KNL1: variants seen among roughly 807,000 people sequenced by gnomAD.
KNL1 encodes the protein outer kinetochore KNL1 complex subunit KNL1.
In KNL1, 66 loss-of-function variants were observed where a neutral mutation model predicts 201.3. The ratio of observed to expected loss-of-function variants is 0.33; its 90% confidence interval spans 0.27 to 0.40. The LOEUF is 0.40. Ranked by LOEUF, KNL1 falls within the 10% of genes least tolerant of loss-of-function variation. The probability of loss-of-function intolerance (pLI) is 1.00; values close to 1 mark genes in which losing one functional copy is unlikely to be tolerated. For synonymous variants in KNL1, 895 were observed against 899.2 expected, an observed-to-expected ratio of 1.00 and a Z score of 0.08; for missense variants, 2,815 against 2,690.5, an observed-to-expected ratio of 1.05 and a Z score of -1.02.
At position 40,624,955 on chromosome 15, in the gene KNL1, T is replaced by A; in HGVS notation, c.4691T>A (p.Leu1564Ter). The change falls in exon 10 of 26, where the codon TTG (leucine) becomes TAG (stop). Residue 1564 changes from leucine (L) to a stop codon, truncating the protein, a stop_gained. Transcript: ENST00000399668. LOFTEE classifies it high-confidence loss of function. Reference protein sequence around the residue: ...FHSIKPNLNNLNGKTGEFLAF... With the variant: ...FHSIKPNLNN ...AGTATCAAACCAAATCTGAATAATT[T>A]GAATGGAAAAACTGGAGAGTTTTTA... 1 of 1,613,884 alleles carries A rather than the reference T, an allele frequency of 6.2e-7. No individual in the cohort carries two copies. Among genetic ancestry groups the A allele is most frequent in the Admixed American group, 1.7e-5 (1 of 59,996 alleles).
At chr15:40,658,968 C>T (rs2141769642) in intron 24 of KNL1, among the ~76,000 whole-genome samples, 1 of 149,492 alleles carries the variant, frequency 6.7e-6, no homozygotes, top group South Asian at 2.1e-4. Context: ...TAATGTATGC[C>T]TAACTTGGAC....
At chr15:40,608,575 A>G (rs1400402813) in intron 4 of KNL1, among the ~76,000 whole-genome samples, 1 of 151,962 alleles carries the variant, frequency 6.6e-6, no homozygotes, top group Non-Finnish European at 1.5e-5. Context: ...GAGAAACCCC[A>G]TCCCTACTAA....
In KNL1 at chr15:40,605,126, C is replaced by T. The variant is rs1891931543; in HGVS notation, c.52C>T (p.Pro18Ser). ...ANEENDNIER[P>S]VRRRHSSILK... is the part of the protein sequence containing the mutation. Reference sequence around the variant, plus strand: ...CTTTTTCAGTGACAATATAGAGAGACCTGTTAGAAGACGGCATTCTTCAGT... The same window carrying T: ...CTTTTTCAGTGACAATATAGAGAGATCTGTTAGAAGACGGCATTCTTCAGT... Residue 18 changes from proline (P) to serine (S), a missense_variant, in exon 3 of 26, where the codon CCT (proline) becomes TCT (serine). Transcript: ENST00000399668. 3.4e-6 allele frequency: 5 copies of T among 1,482,192 alleles called. No homozygotes were observed. The highest frequency in any genetic ancestry group is 4.7e-6 in the Non-Finnish European group (5 of 1,061,632). 91.8% of individuals were successfully genotyped at this position (1,482,192 alleles called of 1,614,324 possible). A position where few individuals can be genotyped will look rare whatever the true frequency, so the allele number is the denominator to read the frequency against.
chr15:40,659,501 CT>C lies in KNL1; in HGVS notation c.6836+49del, dbSNP rs563293238. 919 of 1,532,586 alleles carry C rather than the reference CT, an allele frequency of 6.0e-4. 1 individual carries two copies. The highest frequency in any genetic ancestry group is 1.2e-3 in the East Asian group (51 of 41,516). The allele number at this position is 1,532,586 out of a possible 1,614,324, so 94.9% of individuals were successfully genotyped here. On this transcript the variant is annotated intron_variant, in intron 25 of 25. Coordinates refer to ENST00000399668, the MANE Select transcript of KNL1 (RefSeq NM_144508.5). ...AACAGGGTAAGACTCTGGGCTACTT[CT>C]TTTTTTTTGAGATGGAGTCTGGCTC...
chr15:40,629,213 T>G, intron 12 of KNL1, 60 bp from the exon 13 acceptor site: 1 of 881,936 alleles, frequency 1.1e-6, no homozygotes, highest in Non-Finnish European at 1.8e-6. Context: ...ACAAATGAAG[T>G]GGTTATATCA....
intron 24 of KNL1, among the ~76,000 whole-genome samples, chr15:40,657,876 TCAACATATGAA>T (rs1309535990): frequency 6.6e-6 from 1 of 152,162 alleles, no homozygotes; most frequent in Non-Finnish European, 1.5e-5. Context: ...GGTTTGGAAT[TCAACATATGAA>T]TTTTGGGAAA....
intron 17 of KNL1, among the ~76,000 whole-genome samples, chr15:40,648,096 G>A (rs900007454): frequency 1.3e-5 from 2 of 152,152 alleles, no homozygotes; most frequent in African/African-American, 4.8e-5. Context: ...TTAAGACACA[G>A]ATTTTGCCCT....
At chr15:40,630,965 A>G (rs1892896882) in intron 13 of KNL1, among the ~76,000 whole-genome samples, 1 of 151,924 alleles carries the variant, frequency 6.6e-6, no homozygotes, top group African/African-American at 2.4e-5. Flanking sequence ...AAACAATACA[A>G]AAATTAGCTG....
intron 7 of KNL1, among the ~76,000 whole-genome samples, chr15:40,613,617 T>G (rs554155407): frequency 1.1e-3 from 168 of 152,132 alleles, no homozygotes; most frequent in Middle Eastern, 6.8e-3. Context: ...TCTTCTTTCT[T>G]TTTTGTGAGA....
At chr15:40,659,074 G>A (rs184470304) in intron 24 of KNL1, among the ~76,000 whole-genome samples, 32 of 152,202 alleles carry the variant, frequency 2.1e-4, no homozygotes, top group African/African-American at 6.7e-4. Flanking sequence ...ATCACCTGAG[G>A]TCAGGAGTTT....
chr15:40,634,537 T>C (rs1893001504), intron 13 of KNL1, among the ~76,000 whole-genome samples: 1 of 152,148 alleles, frequency 6.6e-6, no homozygotes, highest in African/African-American at 2.4e-5. Context: ...ATGTGAAAGG[T>C]AAATCAAGGA....
chr15:40,647,690 C>G (rs1893435730), intron 17 of KNL1, among the ~76,000 whole-genome samples: 1 of 152,124 alleles, frequency 6.6e-6, no homozygotes, highest in Non-Finnish European at 1.5e-5. Context: ...TCCTGAAACT[C>G]CTTTCTCAAA....
intron 20 of KNL1, 106 bp downstream of exon 20, chr15:40,651,678 C>G: frequency 1.4e-6 from 1 of 706,256 alleles, no homozygotes; most frequent in Non-Finnish European, 2.3e-6. Flanking sequence ...TGTTTTTAAC[C>G]TATACAGTGC....
At position 40,624,434 on chromosome 15, in the gene KNL1, T is replaced by A. The variant is rs141726041; in HGVS notation, c.4170T>A (p.Asp1390Glu). ...DCVITLHKDQ[D>E]LIKDPRNLLA... is the part of the protein sequence containing the mutation. ...TTATAACACTGCACAAAGATCAAGA[T>A]CTGATTAAGGATCCACGAAATCTAT... is the stretch of plus-strand genomic sequence containing the variant. Residue 1390 changes from aspartate (D) to glutamate (E), a missense_variant, in exon 10 of 26, where the codon GAT (aspartate) becomes GAA (glutamate). Asp to Glu is a conservative substitution (Grantham distance 45). Around this residue, in one of 3 missense-constraint regions of KNL1, gnomAD observed 2,464 missense variants for 2,291.7 expected, o/e 1.08. Coordinates refer to ENST00000399668, the MANE Select transcript of KNL1 (RefSeq NM_144508.5). 1.2e-3 allele frequency: 1,920 copies of A among 1,613,996 alleles called. 10 individuals carry two copies. The East Asian group carries it at 0.018, about 15-fold the overall frequency.
rs945718154 is a variant in KNL1, at chr15:40,637,102, C to T, written c.5683-3810C>T. Among the ~76,000 whole-genome samples, 6 of 151,098 alleles carry T rather than the reference C, an allele frequency of 4.0e-5. No individual in the cohort carries two copies. In the East Asian group the frequency reaches 5.8e-4, roughly 15 times the overall value. The stretch of plus-strand genomic sequence containing the variant: ...GATCCAAATGAGATTCAAACATTGC[C>T]GATTAGTTGAAATCTCTCTCTAGTC... On this transcript the variant is annotated intron_variant, in intron 13 of 25. Transcript: ENST00000399668.
chr15:40,594,908 TATA>T (rs1217723087), intron 1 of KNL1, among the ~76,000 whole-genome samples: 1 of 152,256 alleles, frequency 6.6e-6, no homozygotes, highest in Non-Finnish European at 1.5e-5. Context: ...TTTCTGCAAG[TATA>T]ATAACCTTAA....
rs199767066 is a variant in KNL1 at position 40,622,234 on chromosome 15, C to T, written c.1970C>T (p.Pro657Leu). 1.2e-4 allele frequency: 196 copies of T among 1,614,038 alleles called. No homozygotes were observed. In the African/African-American group the frequency reaches 2.5e-3, roughly 21 times the overall value. Residue 657 changes from proline (P) to leucine (L), a missense_variant, in exon 10 of 26, where the codon CCT becomes CTT. Physicochemically the swap from Pro to Leu is moderately conservative, Grantham distance 98. Around this residue, in one of 3 missense-constraint regions of KNL1, gnomAD observed 2,464 missense variants for 2,291.7 expected, o/e 1.08. Coordinates refer to ENST00000399668, the MANE Select transcript of KNL1 (RefSeq NM_144508.5). ...TTGCCCTACCTTGATAAAGATTCTC[C>T]TCAGTCAGCTGATTGTAATCAGGAG... Reference protein sequence around the residue: ...KILPYLDKDSPQSADCNQEIA... With the variant: ...KILPYLDKDSLQSADCNQEIA...
rs1256805286 is a variant in KNL1 at position 40,629,378 on chromosome 15, G to T, written c.5682+7G>T. Reference sequence around the variant, plus strand: ...GAGCAATCTCCCAGGCAATGTAAGTGCAGTTTCTTGGCAAAATGTTTGCAT... The same window carrying T: ...GAGCAATCTCCCAGGCAATGTAAGTTCAGTTTCTTGGCAAAATGTTTGCAT... On this transcript the variant is annotated splice_region_variant and intron_variant, in intron 13 of 25. Transcript: ENST00000399668. 1 of 1,566,624 alleles carries T rather than the reference G, an allele frequency of 6.4e-7. No homozygotes were observed. The highest frequency in any genetic ancestry group is 8.6e-7 in the Non-Finnish European group (1 of 1,157,122).
intron 13 of KNL1, among the ~76,000 whole-genome samples, chr15:40,635,797 C>T (rs1893040494): frequency 6.6e-6 from 1 of 152,216 alleles, no homozygotes; most frequent in South Asian, 2.1e-4. Context: ...TGACCCCCTG[C>T]ATGCTCATGT....
Sources: gnomAD v4.1 joint callset for allele counts (sites outside exome capture counted in the v4.1 genomes callset) on GRCh38, gnomAD v4.1.1 for gene constraint, gnomAD v4.1.1 regional missense constraint, MANE v1.5 for transcripts, NCBI Gene and HGNC (gene_info 2026-07-23, HGNC 2026-07-21) for gene names.